The following TCEANC variants were observed in gnomAD, a reference collection of about 807,000 sequenced individuals.
TCEANC encodes the protein transcription elongation factor A N-terminal and central domain-containing protein.
Under a neutral mutation model 8.7 loss-of-function variants are expected in TCEANC, and 8 were observed. The observed-to-expected ratio is 0.92, with a 90% CI of 0.54 to 1.65. The LOEUF (loss-of-function observed/expected upper bound fraction) is 1.65, where lower values mean the gene tolerates loss of function less well. Ranked by LOEUF, TCEANC falls within the 40% of genes most tolerant of loss-of-function variation. The probability of loss-of-function intolerance (pLI) is 0.00; values close to 1 mark genes in which losing one functional copy is unlikely to be tolerated. For synonymous variants in TCEANC, 78 were observed against 92.9 expected (o/e 0.84, Z 0.92); for missense variants, 255 against 251.9 (o/e 1.01, Z -0.08).
upstream of TCEANC, among the ~76,000 whole-genome samples, chrX:13,654,146 G>A (rs1312869547): frequency 8.9e-6 from 1 of 112,926 alleles, no homozygotes; most frequent in African/African-American, 3.2e-5. Context: ...TTAATCACAT[G>A]TTGAAATGAC....
exon 2 of TCEANC, chrX:13,663,414 A>G (rs1791866093): frequency 8.4e-7 from 1 of 1,183,925 alleles, no homozygotes; most frequent in Non-Finnish European, 1.1e-6. Flanking sequence ...GCTGTGAGAA[A>G]TACAATTGCA....
intron 1 of TCEANC, among the ~76,000 whole-genome samples, chrX:13,657,395 T>A (rs143617931): frequency 9.0e-6 from 1 of 111,359 alleles, no homozygotes; most frequent in Non-Finnish European, 1.9e-5. Flanking sequence ...TATTTAATGA[T>A]GTGGAAAAAT....
At chrX:13,658,915 T>C (rs2045944656) in intron 1 of TCEANC, among the ~76,000 whole-genome samples, 1 of 112,671 alleles carries the variant, frequency 8.9e-6, no homozygotes. Context: ...CAGGATCTTA[T>C]GTAATTTTCC....
intron 1 of TCEANC, among the ~76,000 whole-genome samples, chrX:13,661,686 C>T (rs1484606681): frequency 8.9e-6 from 1 of 112,495 alleles, no homozygotes; most frequent in Non-Finnish European, 1.9e-5. Context: ...AAAAAATAGA[C>T]TGCATAGATA....
intron 1 of TCEANC, among the ~76,000 whole-genome samples, chrX:13,656,270 A>T (rs1271432557): frequency 3.6e-5 from 4 of 112,482 alleles, no homozygotes; most frequent in Non-Finnish European, 5.6e-5. Flanking sequence ...CCTTCAAGGC[A>T]GAGACTGTCT....
chrX:13,662,147 A>G lies in TCEANC; in HGVS notation c.-8-354A>G, dbSNP rs972774165. On this transcript the variant is annotated intron_variant, in intron 1 of 1. Coordinates refer to ENST00000380600, the Ensembl canonical transcript of TCEANC. ...ACACCGGCATGATTTCACCTCCAAC[A>G]TGACCACCGGATTCCGCCCAAATGG... 2.7e-5 allele frequency among the ~76,000 whole-genome samples: 3 copies of G among 111,663 alleles called. No individual in the cohort carries two copies. The Admixed American group carries it at 2.9e-4, about 11-fold the overall frequency.
chrX:13,664,198 T>G (rs760891915), exon 2 of TCEANC: 5 of 123,549 alleles, frequency 4.0e-5, no homozygotes, highest in African/African-American at 1.6e-4. Flanking sequence ...ACTTCACGAA[T>G]GAGGAAACAG....
Position 13,662,749 on chromosome X carries a change from C to T in TCEANC, c.241C>T (p.Gln81Ter), listed in dbSNP as rs1233774280. 8.3e-7 allele frequency: 1 copy of T among 1,209,845 alleles called. No homozygotes were observed. The highest frequency in any genetic ancestry group is 1.1e-6 in the Non-Finnish European group (1 of 895,027). ...ATCAAAGTGGAAAGCTGTTTATAAGCAGACTCACTCCAAAGCGAGGAACAG... is the reference window on the plus strand; with the variant it reads ...ATCAAAGTGGAAAGCTGTTTATAAGTAGACTCACTCCAAAGCGAGGAACAG... The change falls in exon 2 of 2, where the codon CAG (glutamine) becomes TAG (stop). Residue 81 changes from glutamine (Q) to a stop codon, truncating the protein, a stop_gained. Coordinates refer to ENST00000380600, the Ensembl canonical transcript of TCEANC. LOFTEE classifies it low-confidence loss of function (END_TRUNC).
At chrX:13,662,384 A>G in intron 1 of TCEANC, 117 bp from the exon 5 acceptor site, 3 of 629,288 alleles carry the variant, frequency 4.8e-6, no homozygotes, top group South Asian at 2.9e-5. Context: ...TTTGTATTAC[A>G]TGACTCTTTC....
chrX:13,654,261 G>GTT (rs2045906558), upstream of TCEANC, among the ~76,000 whole-genome samples: 1 of 112,770 alleles, frequency 8.9e-6, no homozygotes, highest in African/African-American at 3.2e-5. Context: ...TGGTTTACAT[G>GTT]TTATATATAT....
chrX:13,657,826 A>AAAAC (rs1555961171), intron 1 of TCEANC, among the ~76,000 whole-genome samples: 21 of 79,357 alleles, frequency 2.6e-4, no homozygotes, highest in African/African-American at 1.1e-3. Flanking sequence ...AAAAAAAAAA[A>AAAAC]ACACACACAC....
exon 2 of TCEANC, chrX:13,663,231 A>T (rs2045984274): frequency 2.5e-6 from 3 of 1,205,014 alleles, no homozygotes; most frequent in African/African-American, 1.7e-5. Flanking sequence ...ATTTACAACA[A>T]AACTTGCTCT....
exon 2 of TCEANC, chrX:13,665,050 C>T (rs578220322): frequency 8.1e-6 from 1 of 123,661 alleles, no homozygotes; most frequent in African/African-American, 3.2e-5. Flanking sequence ...AAAATATGTT[C>T]GTATTTTCAA....
intron 1 of TCEANC, among the ~76,000 whole-genome samples, chrX:13,656,546 T>C (rs28706392): frequency 3.6e-5 from 4 of 112,061 alleles, no homozygotes; most frequent in African/African-American, 1.3e-4. Flanking sequence ...CAGTGGGTCC[T>C]CAAAAAATTA....
chrX:13,664,980 G>A (rs1440286963), exon 2 of TCEANC: 1 of 123,639 alleles, frequency 8.1e-6, no homozygotes, highest in Non-Finnish European at 1.9e-5. Context: ...GAGCTCTGAA[G>A]GCCTAACTGT....
chrX:13,663,330 G>A (rs763774392), exon 2 of TCEANC: 27 of 1,194,240 alleles, frequency 2.3e-5, no homozygotes, highest in Admixed American at 1.2e-4. Flanking sequence ...CCTCCTACAC[G>A]GAATCTTGTA....
chrX:13,653,818 T>G (rs886384698), upstream of TCEANC, among the ~76,000 whole-genome samples: 1 of 112,270 alleles, frequency 8.9e-6, no homozygotes, highest in Admixed American at 9.4e-5. Flanking sequence ...GCCATTTTTG[T>G]GCAGATGTGT....
At position 13,662,938 on chromosome X, in the gene TCEANC, T is replaced by C. The variant is rs7061978; in HGVS notation, c.430T>C (p.Leu144=). Residue 144 remains leucine, a synonymous_variant, in exon 2 of 2, where the codon TTG becomes CTG. Transcript: ENST00000380600. ...TGTGCCTGAAAATAGAGCCATTCAA[T>C]TGAAACCTAAGGAAGAGCATTTTGG... 9,167 of 1,209,596 alleles carry C rather than the reference T, an allele frequency of 7.6e-3. 413 individuals carry two copies. In the African/African-American group the frequency reaches 0.14, roughly 18 times the overall value.
chrX:13,664,052 G>A (rs2045995218), exon 2 of TCEANC: 1 of 125,082 alleles, frequency 8.0e-6, no homozygotes, highest in African/African-American at 3.2e-5. Context: ...GAACCTATGA[G>A]ATGGGACCCA....
Sources: gnomAD v4.1 joint callset for allele counts (sites outside exome capture counted in the v4.1 genomes callset) on GRCh38, gnomAD v4.1.1 for gene constraint, MANE v1.5 for transcripts, NCBI Gene and HGNC (gene_info 2026-07-23, HGNC 2026-07-21) for gene names.